METTL15: variants seen among roughly 807,000 people sequenced by gnomAD.
The protein encoded by METTL15 is 12S rRNA N(4)-cytidine methyltransferase METTL15.
Under a neutral mutation model 38.3 loss-of-function variants are expected in METTL15, and 34 were observed. The ratio of observed to expected loss-of-function variants is 0.89; its 90% CI spans 0.68 to 1.18. METTL15 has a LOEUF of 1.18. Ranked by LOEUF, METTL15 falls within the 50% of genes most tolerant of loss-of-function variation. METTL15 has a pLI of 0.00. For missense variants in METTL15, 438 were observed against 498.4 expected, an observed-to-expected ratio of 0.88 and a Z score of 1.15; for synonymous variants, 162 against 170.9, an observed-to-expected ratio of 0.95 and a Z score of 0.41.
At chr11:28,454,575 A>G (rs1851151885) in intron 6 of METTL15, among the ~76,000 whole-genome samples, 1 of 152,192 alleles carries the variant, frequency 6.6e-6, no homozygotes, top group Non-Finnish European at 1.5e-5. Flanking sequence ...TAAGTCATTT[A>G]GCATGGGCCA....
intron 3 of METTL15, chr11:28,145,816 G>A (rs936071139): frequency 5.3e-5 from 8 of 151,806 alleles, no homozygotes; most frequent in Non-Finnish European, 8.8e-5. Flanking sequence ...ATCATTTAAA[G>A]CTTTAGATTT....
intron 4 of METTL15, among the ~76,000 whole-genome samples, chr11:28,280,062 T>C (rs1002220752): frequency 6.6e-6 from 1 of 152,190 alleles, no homozygotes; most frequent in African/African-American, 2.4e-5. Flanking sequence ...ATTCCACATA[T>C]ATATTGAACT....
At chr11:28,373,669 A>G (rs1223833211) in intron 5 of METTL15, among the ~76,000 whole-genome samples, 2 of 152,150 alleles carry the variant, frequency 1.3e-5, no homozygotes, top group Non-Finnish European at 1.5e-5. Context: ...GTTTAATTGA[A>G]TTAAATCCCA....
intron 6 of METTL15, among the ~76,000 whole-genome samples, chr11:28,510,164 C>T (rs1851662631): frequency 6.6e-6 from 1 of 151,986 alleles, no homozygotes; most frequent in Non-Finnish European, 1.5e-5. Flanking sequence ...GCCTGTGTCT[C>T]AGTTGTTTGG....
intron 3 of METTL15, among the ~76,000 whole-genome samples, chr11:28,179,289 A>G (rs550821095): frequency 2.4e-4 from 37 of 151,768 alleles, no homozygotes; most frequent in Admixed American, 2.2e-3. Flanking sequence ...ATTTTTCATT[A>G]TGCGTTATTT....
At chr11:28,370,685 G>T (rs1236172359) in intron 5 of METTL15, among the ~76,000 whole-genome samples, 1 of 151,882 alleles carries the variant, frequency 6.6e-6, no homozygotes, top group Non-Finnish European at 1.5e-5. Flanking sequence ...GTGTACTAGG[G>T]TTTCCTTTTC....
At chr11:28,458,120 C>G (rs1851185348) in intron 6 of METTL15, among the ~76,000 whole-genome samples, 1 of 152,158 alleles carries the variant, frequency 6.6e-6, no homozygotes, top group African/African-American at 2.4e-5. Context: ...CCTCTCCAGT[C>G]TGATATTCTC....
downstream of METTL15, among the ~76,000 whole-genome samples, chr11:28,527,634 A>G (rs1430772110): frequency 6.6e-6 from 1 of 152,218 alleles, no homozygotes; most frequent in African/African-American, 2.4e-5. Context: ...GGAAAGAGGC[A>G]TGGTGCTTTG....
At chr11:28,359,305 T>TA (rs1850116047) in intron 4 of METTL15, among the ~76,000 whole-genome samples, 1 of 152,244 alleles carries the variant, frequency 6.6e-6, no homozygotes, top group South Asian at 2.1e-4. Flanking sequence ...GATGTGTATG[T>TA]ACCATGTTTT....
At chr11:28,359,077 C>T (rs1461717270) in intron 4 of METTL15, among the ~76,000 whole-genome samples, 1 of 152,084 alleles carries the variant, frequency 6.6e-6, no homozygotes, top group Non-Finnish European at 1.5e-5. Flanking sequence ...AGCACTTGCC[C>T]TCTTCACCCT....
chr11:28,484,592 T>G (rs1361198961), intron 6 of METTL15, among the ~76,000 whole-genome samples: 1 of 152,160 alleles, frequency 6.6e-6, no homozygotes, highest in Non-Finnish European at 1.5e-5. Flanking sequence ...GGGATCTGCT[T>G]TTGGCTCTGC....
At chr11:28,377,391 C>G (rs879439915) in intron 5 of METTL15, among the ~76,000 whole-genome samples, 1 of 152,072 alleles carries the variant, frequency 6.6e-6, no homozygotes, top group African/African-American at 2.4e-5. Context: ...CTTTCCTTCT[C>G]GCTTCATTTC....
chr11:28,202,408 T>G (rs1008887932), intron 3 of METTL15, among the ~76,000 whole-genome samples: 1 of 152,072 alleles, frequency 6.6e-6, no homozygotes, highest in African/African-American at 2.4e-5. Context: ...TTTTGACTCC[T>G]TATGGAATGC....
intron 3 of METTL15, among the ~76,000 whole-genome samples, chr11:28,207,417 A>T (rs1251299404): frequency 6.6e-6 from 1 of 152,062 alleles, no homozygotes; most frequent in Non-Finnish European, 1.5e-5. Context: ...ACATTTATTG[A>T]TTTGCATATG....
At chr11:28,142,925 G>A (rs1849748428) in intron 3 of METTL15, among the ~76,000 whole-genome samples, 1 of 152,100 alleles carries the variant, frequency 6.6e-6, no homozygotes, top group East Asian at 1.9e-4. Flanking sequence ...TATTGAAAGA[G>A]ATGGTGGTAG....
intron 3 of METTL15, among the ~76,000 whole-genome samples, chr11:28,173,066 A>C (rs1181969779): frequency 6.6e-6 from 1 of 152,118 alleles, no homozygotes; most frequent in East Asian, 1.9e-4. Context: ...GCATATTTTA[A>C]CTTTTTTGAT....
At chr11:28,277,170 G>A (rs1855875123) in intron 4 of METTL15, among the ~76,000 whole-genome samples, 1 of 152,094 alleles carries the variant, frequency 6.6e-6, no homozygotes, top group Non-Finnish European at 1.5e-5. Flanking sequence ...AAAACAGTAA[G>A]GAGATTTCTT....
At chr11:28,194,125 T>TTTCTTTCTTTCTTTCTTTCTTTCC (rs1851804095) in intron 3 of METTL15, among the ~76,000 whole-genome samples, 3 of 106,314 alleles carry the variant, frequency 2.8e-5, no homozygotes, top group Non-Finnish European at 3.8e-5. Context: ...ATGGTTGATC[T>TTTCTTTCTTTCTTTCTTTCTTTCC]TTCTTTCTTT....
chr11:28,201,737 C>G (rs1852124903), intron 3 of METTL15, among the ~76,000 whole-genome samples: 1 of 150,904 alleles, frequency 6.6e-6, no homozygotes, highest in Admixed American at 6.6e-5. Context: ...AGATCAGAGA[C>G]CATATCTACT....
Sources: allele counts gnomAD v4.1 joint callset (sites outside exome capture counted in the v4.1 genomes callset), GRCh38; gene constraint gnomAD v4.1.1; transcripts MANE v1.5; gene names NCBI Gene and HGNC (gene_info 2026-07-23, HGNC 2026-07-21).